DSC3: variants seen among roughly 807,000 people sequenced by gnomAD.
The protein encoded by DSC3 is desmocollin-3.
In DSC3, 97 loss-of-function variants were observed where a neutral mutation model predicts 89.5. That is an observed-to-expected ratio of 1.08 (90% CI 0.92 to 1.28). The LOEUF is 1.28. Among genes scored for constraint, DSC3 ranks in the 50% most tolerant of loss-of-function variants. DSC3 has a pLI of 0.00. For synonymous variants in DSC3, 436 were observed against 384.1 expected, an observed-to-expected ratio of 1.14 and a Z score of -1.58; for missense variants, 1,199 against 1,085.3, an observed-to-expected ratio of 1.10 and a Z score of -1.47.
intron 1 of DSC3, 105 bp downstream of exon 1, chr18:31,042,487 C>G (rs917069542): frequency 5.1e-6 from 6 of 1,175,468 alleles, no homozygotes; most frequent in Non-Finnish European, 7.4e-6. Context: ...TGATCTGAGC[C>G]GCGGTTGTCA....
intron 9 of DSC3, among the ~76,000 whole-genome samples, chr18:31,013,305 T>C (rs952385825): frequency 6.7e-6 from 1 of 149,678 alleles, no homozygotes; most frequent in Non-Finnish European, 1.5e-5. Context: ...TGTTCTAGGA[T>C]AAATTTCATA....
intron 9 of DSC3, among the ~76,000 whole-genome samples, chr18:31,008,928 T>G (rs923449194): frequency 6.6e-6 from 1 of 152,240 alleles, no homozygotes; most frequent in African/African-American, 2.4e-5. Flanking sequence ...CAGTTACTAC[T>G]GACTATGGCC....
intron 9 of DSC3, among the ~76,000 whole-genome samples, chr18:31,010,656 A>G (rs923675118): frequency 1.3e-5 from 2 of 152,212 alleles, no homozygotes; most frequent in Non-Finnish European, 2.9e-5. Context: ...AATATCCCAC[A>G]TCTGCACTGA....
rs142197982 is a variant in DSC3, at chr18:30,992,931, G to C, written c.*1244C>G. ...CAGGCCAATGCCACTCAGAAGAAGG[G>C]CAGTGAGGAGAAAAATGAAATTTTG... On this transcript the variant is annotated 3_prime_UTR_variant, in exon 16 of 16. Transcript: ENST00000360428. The C allele has an allele frequency of 1.3e-5, 2 of 152,154 alleles. No homozygotes were observed. The highest frequency in any genetic ancestry group is 2.9e-5 in the Non-Finnish European group (2 of 68,048). 9.4% of individuals were successfully genotyped at this position (152,154 alleles called of 1,614,324 possible). A position where few individuals can be genotyped will look rare whatever the true frequency, so the allele number is the denominator to read the frequency against.
At chr18:31,029,131 C>G (rs1411687231) in intron 4 of DSC3, among the ~76,000 whole-genome samples, 1 of 152,112 alleles carries the variant, frequency 6.6e-6, no homozygotes, top group Non-Finnish European at 1.5e-5. Context: ...AATCATAGCA[C>G]TCATCACTGA....
In DSC3 at chr18:31,022,375, T is replaced by C. The variant is rs1985450883; in HGVS notation, c.903A>G (p.Thr301=). 6.2e-7 allele frequency: 1 copy of C among 1,613,980 alleles called. No individual in the cohort carries two copies. The highest frequency in any genetic ancestry group is 8.5e-7 in the Non-Finnish European group (1 of 1,179,990). The change falls in exon 7 of 16, where the codon ACA becomes ACG. Residue 301 remains threonine, a synonymous_variant. Transcript: ENST00000360428. ...SPGLFSVHPS[T]GVITTVSHYL... ...AATGAGAGACTGTGGTGATTACGCC[T>C]GTGCTGGGATGCACAGAAAAGAGCC...
rs183960356 is a variant in DSC3, at chr18:31,006,369, C to A, written c.1888+538G>T. On this transcript the variant is annotated intron_variant, in intron 12 of 15. Coordinates refer to ENST00000360428, the MANE Select transcript of DSC3 (RefSeq NM_001941.5). Reference sequence around the variant, plus strand: ...GCTGGAGTGCAGTGGCACCATCTCTCAGCTCACTGCAACTTCCACCTACTG... The same window carrying A: ...GCTGGAGTGCAGTGGCACCATCTCTAAGCTCACTGCAACTTCCACCTACTG... 2.0e-3 allele frequency among the ~76,000 whole-genome samples: 302 copies of A among 152,174 alleles called. 2 individuals are homozygous for A. Among genetic ancestry groups the A allele is most frequent in the African/African-American group, 7.0e-3 (291 of 41,510 alleles).
rs1346124047 is a variant in DSC3, at chr18:30,994,037, A to T, written c.*138T>A. The T allele has an allele frequency of 1.5e-4, 125 of 859,348 alleles. 1 individual carries two copies. The South Asian group carries it at 2.0e-3, about 14-fold the overall frequency. The allele number at this position is 859,348 out of a possible 1,614,324, so 53.2% of individuals were successfully genotyped here. Reference sequence around the variant, plus strand: ...AAGATAAGCAACAACTTGCTTTAAAAATATAAATTGGTGAGTAGCATAATT... The same window carrying T: ...AAGATAAGCAACAACTTGCTTTAAATATATAAATTGGTGAGTAGCATAATT... On this transcript the variant is annotated 3_prime_UTR_variant, in exon 16 of 16. Transcript: ENST00000360428.
chr18:31,042,327 G>T (rs913672180), intron 1 of DSC3, among the ~76,000 whole-genome samples: 2 of 152,224 alleles, frequency 1.3e-5, no homozygotes, highest in African/African-American at 4.8e-5. Context: ...CCGCCAGAGC[G>T]CAGCGAAGCC....
chr18:31,003,502 C>T (rs1174546023), intron 13 of DSC3, among the ~76,000 whole-genome samples: 1 of 152,158 alleles, frequency 6.6e-6, no homozygotes, highest in Non-Finnish European at 1.5e-5. Context: ...CAGTGCTACA[C>T]CATATGGTAG....
At chr18:31,015,028 C>T (rs1483069113) in intron 9 of DSC3, among the ~76,000 whole-genome samples, 1 of 152,088 alleles carries the variant, frequency 6.6e-6, no homozygotes, top group Admixed American at 6.6e-5. Flanking sequence ...AAGTGCCTAG[C>T]ATTTTCTGTG....
chr18:31,032,901 TA>T (rs1233905855), intron 1 of DSC3, among the ~76,000 whole-genome samples: 2 of 152,104 alleles, frequency 1.3e-5, no homozygotes, highest in Non-Finnish European at 2.9e-5. Flanking sequence ...ATTGTTTCTA[TA>T]CACAGATGAC....
chr18:31,019,572 C>T (rs768216545), intron 7 of DSC3, among the ~76,000 whole-genome samples: 1 of 152,160 alleles, frequency 6.6e-6, no homozygotes, highest in Non-Finnish European at 1.5e-5. Context: ...ATAGAAGGAT[C>T]GCTCAAGGCC....
intron 9 of DSC3, among the ~76,000 whole-genome samples, chr18:31,012,015 C>T (rs911481905): frequency 7.9e-6 from 1 of 126,392 alleles, no homozygotes; most frequent in Non-Finnish European, 1.7e-5. Flanking sequence ...TTTAACCACA[C>T]AATCACAACT....
chr18:31,038,790 A>G (rs1986048392), intron 1 of DSC3, among the ~76,000 whole-genome samples: 1 of 152,112 alleles, frequency 6.6e-6, no homozygotes, highest in African/African-American at 2.4e-5. Flanking sequence ...AACATTACTA[A>G]TATTTTCAAA....
chr18:31,031,241 A>G (rs889985141), intron 2 of DSC3, 69 bp from the exon 3 acceptor site: 1 of 1,108,616 alleles, frequency 9.0e-7, no homozygotes, highest in Non-Finnish European at 1.3e-6. Context: ...AAAATAATTT[A>G]TATAATATTC....
intron 4 of DSC3, among the ~76,000 whole-genome samples, chr18:31,027,784 T>A (rs546185171): frequency 1.1e-4 from 17 of 152,246 alleles, no homozygotes; most frequent in African/African-American, 3.8e-4. Flanking sequence ...AAGTTCAACC[T>A]AAAATTTGTT....
chr18:31,006,082 G>A (rs969691409), intron 12 of DSC3, among the ~76,000 whole-genome samples: 1 of 152,118 alleles, frequency 6.6e-6, no homozygotes, highest in Non-Finnish European at 1.5e-5. Flanking sequence ...ATGAAGTATG[G>A]ATGAAGTACA....
chr18:31,004,398 A>G, intron 12 of DSC3, 32 bp from the exon 13 acceptor site: 1 of 1,578,992 alleles, frequency 6.3e-7, no homozygotes, highest in Non-Finnish European at 8.7e-7. Context: ...TTATTTTTTA[A>G]TGATCATTTA....
Sources: gnomAD v4.1 joint callset for allele counts (sites outside exome capture counted in the v4.1 genomes callset) on GRCh38, gnomAD v4.1.1 for gene constraint, MANE v1.5 for transcripts, NCBI Gene and HGNC (gene_info 2026-07-23, HGNC 2026-07-21) for gene names.